The following CRYBA2 variants were observed in gnomAD, a reference collection of about 807,000 sequenced individuals.
The protein encoded by CRYBA2 is crystallin beta A2, also known as beta-crystallin A2.
Under a neutral mutation model 18.5 loss-of-function variants are expected in CRYBA2, and 17 were observed. The ratio of observed to expected loss-of-function variants is 0.92; its 90% confidence interval spans 0.63 to 1.38. CRYBA2 has a LOEUF of 1.38. Among genes scored for constraint, CRYBA2 ranks in the 40% most tolerant of loss-of-function variants. The pLI is 0.00. For synonymous variants in CRYBA2, 101 were observed against 106.2 expected (o/e 0.95, Z 0.30); for missense variants, 271 against 265.0 (o/e 1.02, Z -0.16).
chr2:218,990,248 G>C lies in CRYBA2; in HGVS notation c.*4C>G, dbSNP rs762632040. The C allele has an allele frequency of 6.2e-7, 1 of 1,613,980 alleles. No individual in the cohort carries two copies. The highest frequency in any genetic ancestry group is 1.3e-5 in the African/African-American group (1 of 74,910). ...CTCAGGGAAGGTGTCTGGGGCCGTG[G>C]AGCCTAGTGCTGGACTCTCCGGATG... On this transcript the variant is annotated 3_prime_UTR_variant, in exon 4 of 4. Coordinates refer to ENST00000295728, the MANE Select transcript of CRYBA2 (RefSeq NM_057093.2).
At chr2:218,991,026 C>A (rs914611051) in intron 2 of CRYBA2, 32 bp from the exon 3 acceptor site, 2 of 1,609,526 alleles carry the variant, frequency 1.2e-6, no homozygotes, top group African/African-American at 2.7e-5. Flanking sequence ...ACAGAAAGAT[C>A]AGGGCTTCCA....
rs2106020228 is a variant in CRYBA2 at position 218,993,422 on chromosome 2, T to A, written c.-246A>T. 1 of 513,654 alleles carries A rather than the reference T, an allele frequency of 1.9e-6. No individual in the cohort carries two copies. Among genetic ancestry groups the A allele is most frequent in the Admixed American group, 3.7e-5 (1 of 26,840 alleles). The allele number at this position is 513,654 out of a possible 1,614,324, so 31.8% of individuals were successfully genotyped here. ...GAGGGAAATGGACCGGCTGCGAGGCTGCGCGCGGCCGGGCGGGCCGAGCTT... is the reference window on the plus strand; with the variant it reads ...GAGGGAAATGGACCGGCTGCGAGGCAGCGCGCGGCCGGGCGGGCCGAGCTT... On this transcript the variant is annotated 5_prime_UTR_variant, in exon 1 of 4. Coordinates refer to ENST00000295728, the MANE Select transcript of CRYBA2 (RefSeq NM_057093.2). This position sits in a 1 kb window ranked among gnomAD's most constrained non-coding sequence, Gnocchi z 7.7.
chr2:218,991,129 G>T, intron 2 of CRYBA2, 135 bp from the exon 3 acceptor site: 4 of 1,344,486 alleles, frequency 3.0e-6, no homozygotes, highest in Non-Finnish European at 3.0e-6. Context: ...CACTCCCAGA[G>T]CTCACCCCAT....
At chr2:218,992,298 T>C in intron 1 of CRYBA2, 55 bp from the exon 2 acceptor site, 2 of 1,566,178 alleles carry the variant, frequency 1.3e-6, no homozygotes, top group Non-Finnish European at 8.7e-7. Flanking sequence ...CTCTCTGCCC[T>C]CCCCCTTGCC....
At chr2:218,991,060 G>A (rs1454132451) in intron 2 of CRYBA2, 66 bp from the exon 3 acceptor site, 2 of 1,580,768 alleles carry the variant, frequency 1.3e-6, no homozygotes, top group Admixed American at 3.4e-5. Context: ...TACATCCTCT[G>A]CCTCACTTCC....
At chr2:218,990,464 A>G in intron 3 of CRYBA2, 65 bp from the exon 4 acceptor site, 13 of 1,483,484 alleles carry the variant, frequency 8.8e-6, no homozygotes, top group African/African-American at 1.9e-5. Context: ...TATGTTCTCC[A>G]CCAGCAGCCC....
intron 2 of CRYBA2, 23 bp downstream of exon 2, chr2:218,992,079 G>T (rs758332793): frequency 1.4e-5 from 23 of 1,601,532 alleles, no homozygotes; most frequent in Non-Finnish European, 1.9e-5. Flanking sequence ...GGAGGCAGGG[G>T]AGGAGAAGTG....
intron 3 of CRYBA2, 39 bp from the exon 4 acceptor site, chr2:218,990,438 G>GCCCCCCCCCCCCCCCCCTGTTTTCCC: frequency 6.2e-7 from 1 of 1,606,078 alleles, no homozygotes. Context: ...AGTAAGCTCT[G>GCCCCCCCCCCCCCCCCCTGTTTTCCC]CCCCCACCCC....
rs781421886 is a variant in CRYBA2, at chr2:218,993,037, G to T, written c.140C>A (p.Ser47Ter). The T allele has an allele frequency of 2.4e-5, 39 of 1,606,302 alleles. No individual in the cohort carries two copies. Among genetic ancestry groups the T allele is most frequent in the Non-Finnish European group, 3.2e-5 (38 of 1,175,362 alleles). ...TCACACGCCGTTTTCCACCTTGACCGAGCGCACCCTGGGCAGGCCTCCGCG... is the reference window on the plus strand; with the variant it reads ...TCACACGCCGTTTTCCACCTTGACCTAGCGCACCCTGGGCAGGCCTCCGCG... ...CERGGLPRVR[S>*]VKVENGVWVA... The change falls in exon 1 of 4, where the codon TCG (serine) becomes TAG (stop). Residue 47 changes from serine (S) to a stop codon, truncating the protein, a stop_gained. Transcript: ENST00000295728. LOFTEE classifies it high-confidence loss of function. This position sits in a 1 kb window ranked among gnomAD's most constrained non-coding sequence, Gnocchi z 7.7.
Position 218,993,377 on chromosome 2 carries a change from G to T in CRYBA2, c.-201C>A. 1 of 564,198 alleles carries T rather than the reference G, an allele frequency of 1.8e-6. No individual in the cohort carries two copies. Among genetic ancestry groups the T allele is most frequent in the Non-Finnish European group, 3.1e-6 (1 of 327,202 alleles). The allele number at this position is 564,198 out of a possible 1,614,324, so 34.9% of individuals were successfully genotyped here. ...CCACCCCAGCAGAGGGCATTCACCG[G>T]GTGGGTGAGCGCGGCACGCGAGGGA... On this transcript the variant is annotated 5_prime_UTR_variant, in exon 1 of 4. Coordinates refer to ENST00000295728, the MANE Select transcript of CRYBA2 (RefSeq NM_057093.2). This position sits in a 1 kb window ranked among gnomAD's most constrained non-coding sequence, Gnocchi z 7.7.
At chr2:218,991,230 G>C (rs578161752) in intron 2 of CRYBA2, 91 of 516,862 alleles carry the variant, frequency 1.8e-4, no homozygotes, top group Admixed American at 2.1e-4. Flanking sequence ...GTGATTGGGG[G>C]ATAGGATTTC....
chr2:218,991,121 C>T (rs1945493114), intron 2 of CRYBA2, 127 bp from the exon 3 acceptor site: 1 of 1,399,902 alleles, frequency 7.1e-7, no homozygotes, highest in Non-Finnish European at 9.7e-7. Flanking sequence ...CCCACAGGCA[C>T]TCCCAGAGCT....
intron 3 of CRYBA2, 80 bp downstream of exon 3, chr2:218,990,772 A>G: frequency 6.5e-7 from 1 of 1,538,136 alleles, no homozygotes; most frequent in Non-Finnish European, 8.9e-7. Context: ...CCCTCCCCAC[A>G]TCACTTTTCT....
chr2:218,992,940 G>T, intron 1 of CRYBA2, 76 bp downstream of exon 1: 2 of 1,230,944 alleles, frequency 1.6e-6, no homozygotes, highest in Admixed American at 2.1e-5. Flanking sequence ...AGGACAGGGG[G>T]CTGAGGCTCT....
At chr2:218,991,936 C>G (rs1945502051) in intron 2 of CRYBA2, 166 bp downstream of exon 2, 1 of 661,498 alleles carries the variant, frequency 1.5e-6, no homozygotes, top group Non-Finnish European at 2.5e-6. Context: ...ACAATCCCAA[C>G]TTTCTTGGAG....
Position 218,992,166 on chromosome 2 carries a change from G to GC in CRYBA2, c.238dup (p.Ala80GlyfsTer26). On this transcript the variant is annotated frameshift_variant, in exon 2 of 4. Transcript: ENST00000295728. LOFTEE classifies it high-confidence loss of function. Reference sequence around the variant, plus strand: ...GTTGTGGCTGCTGCTGCCACTCCAGGCGCTCCAGCGAGGATAGTCTCCCTT... The same window carrying GC: ...GTTGTGGCTGCTGCTGCCACTCCAGGCCGCTCCAGCGAGGATAGTCTCCCTT... 6.2e-7 allele frequency: 1 copy of GC among 1,613,492 alleles called. No individual in the cohort carries two copies. Among genetic ancestry groups the GC allele is most frequent in the East Asian group, 2.2e-5 (1 of 44,874 alleles).
At chr2:218,991,823 C>A (rs746854087) in intron 2 of CRYBA2, 6 of 429,674 alleles carry the variant, frequency 1.4e-5, no homozygotes, top group Non-Finnish European at 2.5e-5. Context: ...GGCACTCACT[C>A]ACACGTGTGG....
At chr2:218,991,856 T>C in intron 2 of CRYBA2, 1 of 494,686 alleles carries the variant, frequency 2.0e-6, no homozygotes, top group Non-Finnish European at 3.6e-6. Context: ...GGGGGAACCC[T>C]GGGCACTCAG....
At chr2:218,992,409 A>G (rs1460338285) in intron 1 of CRYBA2, among the ~76,000 whole-genome samples, 166 bp from the exon 2 acceptor site, 1 of 152,174 alleles carries the variant, frequency 6.6e-6, no homozygotes, top group Non-Finnish European at 1.5e-5. Flanking sequence ...TCTCGGAACT[A>G]AAGGTCCAAA....
Sources: gnomAD v4.1 joint callset for allele counts (sites outside exome capture counted in the v4.1 genomes callset) on GRCh38, gnomAD v4.1.1 for gene constraint, Gnocchi (gnomAD v3.1) non-coding constraint, MANE v1.5 for transcripts, NCBI Gene and HGNC (gene_info 2026-07-23, HGNC 2026-07-21) for gene names.